NTRK3: variants seen among roughly 807,000 people sequenced by gnomAD.
NTRK3 encodes neurotrophic receptor tyrosine kinase 3, also known as NT-3 growth factor receptor.
A neutral mutation model predicts 91.7 loss-of-function variants in NTRK3; 24 were observed. That is an observed-to-expected ratio of 0.26 (90% CI 0.19 to 0.37). The LOEUF is 0.37. NTRK3 is among the 10% of genes least tolerant of loss of function. NTRK3 has a pLI of 1.00. For synonymous variants in NTRK3, 483 were observed against 404.0 expected (o/e 1.20, Z -2.34); for missense variants, 880 against 1,068.9 (o/e 0.82, Z 2.46).
chr15:87,979,209 G>T, intron 14 of NTRK3: 1 of 761,366 alleles, frequency 1.3e-6, no homozygotes, highest in East Asian at 2.5e-5. Context: ...GTTAAAGGGT[G>T]CCGGGGCACT....
chr15:88,052,602 A>G (rs1248994900), intron 13 of NTRK3, among the ~76,000 whole-genome samples: 3 of 152,236 alleles, frequency 2.0e-5, no homozygotes, highest in Admixed American at 6.5e-5. Context: ...CTTTAAAGTT[A>G]GATGTAATTA....
intron 13 of NTRK3, among the ~76,000 whole-genome samples, chr15:88,069,017 A>G (rs911477515): frequency 6.6e-6 from 1 of 152,200 alleles, no homozygotes; most frequent in Non-Finnish European, 1.5e-5. Context: ...AGAACTGGCT[A>G]TTATGGGGCT....
intron 13 of NTRK3, among the ~76,000 whole-genome samples, chr15:88,053,017 A>T (rs939541660): frequency 1.3e-5 from 2 of 152,204 alleles, no homozygotes; most frequent in Non-Finnish European, 2.9e-5. Flanking sequence ...TCCCCTCAAC[A>T]GTGTCCATTT....
chr15:87,914,360 A>G, intron 17 of NTRK3, among the ~76,000 whole-genome samples: 1 of 152,206 alleles, frequency 6.6e-6, no homozygotes, highest in East Asian at 1.9e-4. Flanking sequence ...GCAGGGAATC[A>G]GATCCAGCTG....
chr15:87,936,983 C>T (rs992026980), intron 15 of NTRK3, among the ~76,000 whole-genome samples: 4 of 152,200 alleles, frequency 2.6e-5, no homozygotes, highest in African/African-American at 9.7e-5. Context: ...ACACACTCCT[C>T]CTGCCTCATT....
At chr15:87,939,618 G>A (rs955672334) in intron 15 of NTRK3, among the ~76,000 whole-genome samples, 2 of 152,184 alleles carry the variant, frequency 1.3e-5, no homozygotes, top group Non-Finnish European at 1.5e-5. Context: ...TCAATGCTAA[G>A]GATGGGACCA....
rs112699551 is a variant in NTRK3, at chr15:88,056,492, C to T, written c.1397-23447G>A. ...AGTTTATTATCTGCCTCGGGGCCTT[C>T]GTTTCACTTGGGAACAAAGACACTG... On this transcript the variant is annotated intron_variant, in intron 13 of 18. Transcript: ENST00000394480. 2.2e-3 allele frequency among the ~76,000 whole-genome samples: 340 copies of T among 152,178 alleles called. 1 individual carries two copies. The highest frequency in any genetic ancestry group is 7.8e-3 in the African/African-American group (325 of 41,526).
At chr15:87,940,864 C>G in intron 14 of NTRK3, 111 bp from the exon 15 acceptor site, 1 of 1,438,754 alleles carries the variant, frequency 7.0e-7, no homozygotes, top group South Asian at 1.1e-5. Context: ...GAGCCTACAG[C>G]AGGCAAAGGC....
intron 13 of NTRK3, among the ~76,000 whole-genome samples, chr15:88,089,618 G>C (rs1441796903): frequency 6.6e-6 from 1 of 152,114 alleles, no homozygotes; most frequent in Admixed American, 6.5e-5. Flanking sequence ...TTAGCCTTAG[G>C]GCACCTTGGA....
At chr15:87,916,118 G>C (rs776777046) in intron 17 of NTRK3, 1 of 230,682 alleles carries the variant, frequency 4.3e-6, no homozygotes, top group Non-Finnish European at 8.6e-6. Context: ...TCCTCCTTCC[G>C]TTTAGACACT....
At chr15:88,206,367 C>CA (rs2048768424) in intron 3 of NTRK3, among the ~76,000 whole-genome samples, 3 of 130,946 alleles carry the variant, frequency 2.3e-5, no homozygotes, top group Non-Finnish European at 4.8e-5. Flanking sequence ...AAAAAACAAA[C>CA]AAAAAAACAG....
intron 3 of NTRK3, chr15:88,252,790 GC>G (rs954956402): frequency 2.0e-5 from 3 of 152,366 alleles, no homozygotes; most frequent in African/African-American, 4.8e-5. Flanking sequence ...AAAAGGGAGG[GC>G]CCTTTGGAGG....
At chr15:87,985,112 C>T (rs929035314) in intron 14 of NTRK3, among the ~76,000 whole-genome samples, 1 of 152,176 alleles carries the variant, frequency 6.6e-6, no homozygotes, top group African/African-American at 2.4e-5. Context: ...TGGAAACCTA[C>T]AGCAGAGGGA....
At chr15:88,012,622 C>A (rs1304281992) in intron 14 of NTRK3, among the ~76,000 whole-genome samples, 2 of 152,160 alleles carry the variant, frequency 1.3e-5, no homozygotes, top group Non-Finnish European at 2.9e-5. Flanking sequence ...TCCTAACACC[C>A]AATACAGAAC....
intron 17 of NTRK3, among the ~76,000 whole-genome samples, chr15:87,901,770 G>T (rs1367745687): frequency 6.6e-6 from 1 of 150,766 alleles, no homozygotes; most frequent in Non-Finnish European, 1.5e-5. Flanking sequence ...GGGGAGGGGG[G>T]GAGAGGGGGA....
intron 13 of NTRK3, among the ~76,000 whole-genome samples, chr15:88,049,909 TGAA>T (rs2080646219): frequency 6.6e-6 from 1 of 152,230 alleles, no homozygotes; most frequent in Non-Finnish European, 1.5e-5. Flanking sequence ...CATTAGACAG[TGAA>T]GAAGTTTTGC....
chr15:87,878,508 T>C (rs2065058373), intron 18 of NTRK3, among the ~76,000 whole-genome samples: 1 of 152,170 alleles, frequency 6.6e-6, no homozygotes, highest in African/African-American at 2.4e-5. Flanking sequence ...TAGAGACCCA[T>C]TTCCACCCTC....
chr15:88,136,011 G>A (rs761450089), exon 9 of NTRK3: 68 of 1,614,098 alleles, frequency 4.2e-5, no homozygotes, highest in Non-Finnish European at 5.5e-5. Context: ...TCAAGTTGAT[G>A]GCATGAACAT....
intron 13 of NTRK3, among the ~76,000 whole-genome samples, chr15:88,112,891 G>A (rs555356755): frequency 5.9e-5 from 9 of 152,248 alleles, no homozygotes; most frequent in East Asian, 3.9e-4. Flanking sequence ...CGAGGCATCC[G>A]GGAGGTACAG....
Sources: allele counts gnomAD v4.1 joint callset (sites outside exome capture counted in the v4.1 genomes callset), GRCh38; gene constraint gnomAD v4.1.1; transcripts MANE v1.5; gene names NCBI Gene and HGNC (gene_info 2026-07-23, HGNC 2026-07-21).